Variants in RARB observed in about 807,000 individuals in gnomAD.
RARB encodes the protein HBV-activated protein.
In RARB, 17 loss-of-function variants were observed where a neutral mutation model predicts 51.9. That is an observed-to-expected ratio of 0.33 (90% CI 0.22 to 0.49). RARB has a LOEUF of 0.49. Ranked by LOEUF, RARB falls within the 20% of genes least tolerant of loss-of-function variation. The pLI is 0.99. For missense variants in RARB, 369 were observed against 550.8 expected (o/e 0.67, Z 3.30); for synonymous variants, 215 against 195.4 (o/e 1.10, Z -0.84).
intron 5 of RARB, among the ~76,000 whole-genome samples, chr3:25,250,588 C>A (rs1475741681): frequency 6.6e-6 from 1 of 152,090 alleles, no homozygotes; most frequent in African/African-American, 2.4e-5. Flanking sequence ...TGATTCACGC[C>A]TGGTGGCAGC....
chr3:25,314,118 A>C (rs1277985786), intron 5 of RARB, among the ~76,000 whole-genome samples: 2 of 152,172 alleles, frequency 1.3e-5, no homozygotes, highest in Non-Finnish European at 2.9e-5. Context: ...AAAAAATTAC[A>C]AAACTTAAAA....
At chr3:25,129,348 G>T (rs950086725) in intron 3 of RARB, among the ~76,000 whole-genome samples, 3 of 151,992 alleles carry the variant, frequency 2.0e-5, no homozygotes, top group Admixed American at 6.6e-5. Flanking sequence ...TACAATTACA[G>T]TATGTCTTTT....
intron 5 of RARB, among the ~76,000 whole-genome samples, chr3:25,312,828 G>C (rs1389023988): frequency 6.6e-6 from 1 of 152,130 alleles, no homozygotes; most frequent in East Asian, 1.9e-4. Flanking sequence ...GCTGTCCCTC[G>C]CGGATAGACA....
chr3:25,322,219 C>CG (rs1053607550), intron 5 of RARB, among the ~76,000 whole-genome samples: 18 of 25,586 alleles, frequency 7.0e-4, no homozygotes, highest in Middle Eastern at 0.031. Flanking sequence ...TGTTGGGGGG[C>CG]GGGGGGGAAG....
At chr3:24,928,086 G>A (rs1331680344) in intron 2 of RARB, among the ~76,000 whole-genome samples, 5 of 152,046 alleles carry the variant, frequency 3.3e-5, no homozygotes, top group Admixed American at 1.3e-4. Flanking sequence ...TTTTCTGAGA[G>A]TAGAAAATCA....
chr3:25,122,410 A>G (rs931232043), intron 3 of RARB, among the ~76,000 whole-genome samples: 51 of 151,870 alleles, frequency 3.4e-4, no homozygotes, highest in Non-Finnish European at 1.2e-4. Flanking sequence ...ATCATTAGCT[A>G]TTTCTTTTGG....
intron 2 of RARB, among the ~76,000 whole-genome samples, chr3:25,044,130 A>G (rs371014643): frequency 1.8e-4 from 27 of 152,286 alleles, no homozygotes; most frequent in East Asian, 9.7e-4. Context: ...TTAAACAGCA[A>G]AACCCTTTTA....
intron 3 of RARB, among the ~76,000 whole-genome samples, chr3:25,119,754 G>A (rs1699749622): frequency 6.6e-6 from 1 of 152,012 alleles, no homozygotes; most frequent in African/African-American, 2.4e-5. Flanking sequence ...TTCAGGTATA[G>A]CAAATGGCTA....
chr3:24,996,749 T>C (rs764176643), intron 2 of RARB, among the ~76,000 whole-genome samples: 5 of 152,106 alleles, frequency 3.3e-5, no homozygotes, highest in African/African-American at 4.8e-5. Context: ...TTTCCAGGTA[T>C]TTGTAAAGTT....
chr3:24,961,867 G>A (rs922923619), intron 2 of RARB, among the ~76,000 whole-genome samples: 1 of 147,018 alleles, frequency 6.8e-6, no homozygotes, highest in African/African-American at 2.5e-5. Flanking sequence ...TTTCTTATAA[G>A]TGCGTACGTG....
At chr3:24,914,709 G>A (rs1165581199) in intron 2 of RARB, among the ~76,000 whole-genome samples, 2 of 152,238 alleles carry the variant, frequency 1.3e-5, no homozygotes, top group East Asian at 3.9e-4. Flanking sequence ...GAATGACAAA[G>A]TCTGTGTGTG....
chr3:25,555,185 A>T (rs1700007219), intron 3 of RARB, among the ~76,000 whole-genome samples: 1 of 152,206 alleles, frequency 6.6e-6, no homozygotes, highest in South Asian at 2.1e-4. Flanking sequence ...TGTTTATTTA[A>T]TTTATGGGAA....
At chr3:25,550,866 T>A (rs1258831184) in intron 3 of RARB, among the ~76,000 whole-genome samples, 2 of 152,226 alleles carry the variant, frequency 1.3e-5, no homozygotes, top group Non-Finnish European at 2.9e-5. Flanking sequence ...TGCATTAGTT[T>A]GCTGAAGATA....
intron 3 of RARB, among the ~76,000 whole-genome samples, chr3:25,517,632 T>C (rs1362480373): frequency 1.3e-5 from 2 of 152,120 alleles, no homozygotes; most frequent in Non-Finnish European, 2.9e-5. Context: ...ACCCATTCAT[T>C]TTACTCCTAA....
chr3:25,132,270 G>A (rs1304704631), intron 4 of RARB, among the ~76,000 whole-genome samples: 3 of 151,772 alleles, frequency 2.0e-5, no homozygotes, highest in Non-Finnish European at 4.4e-5. Flanking sequence ...TTTAATAGCA[G>A]CAATTGCTAT....
chr3:24,836,693 A>G (rs929272547), intron 1 of RARB, among the ~76,000 whole-genome samples: 1 of 152,134 alleles, frequency 6.6e-6, no homozygotes, highest in Non-Finnish European at 1.5e-5. Flanking sequence ...GAATGAGTAA[A>G]TGATTCTTGA....
chr3:25,377,539 C>G (rs1189762690), intron 5 of RARB, among the ~76,000 whole-genome samples: 1 of 152,060 alleles, frequency 6.6e-6, no homozygotes, highest in Non-Finnish European at 1.5e-5. Flanking sequence ...TAAAAATTAC[C>G]AACCAGAGTT....
chr3:25,035,970 C>A (rs1335304998), intron 2 of RARB, among the ~76,000 whole-genome samples: 3 of 152,190 alleles, frequency 2.0e-5, no homozygotes, highest in Non-Finnish European at 4.4e-5. Context: ...CATGGTCCTT[C>A]ACGAGACCCT....
intron 5 of RARB, among the ~76,000 whole-genome samples, chr3:25,247,752 A>G (rs1263982113): frequency 6.6e-6 from 1 of 152,184 alleles, no homozygotes; most frequent in Non-Finnish European, 1.5e-5. Flanking sequence ...TGCAGATGGG[A>G]GCTGTTCCTA....
Sources: allele counts gnomAD v4.1 joint callset (sites outside exome capture counted in the v4.1 genomes callset), GRCh38; gene constraint gnomAD v4.1.1; transcripts MANE v1.5; gene names NCBI Gene and HGNC (gene_info 2026-07-23, HGNC 2026-07-21).